The following LYPLAL1 variants were observed in gnomAD, a reference collection of about 807,000 sequenced individuals.
LYPLAL1 encodes the protein lysophospholipase-like protein 1.
A neutral mutation model predicts 19.7 loss-of-function variants in LYPLAL1; 23 were observed. That is an observed-to-expected ratio of 1.17 (90% CI 0.84 to 1.65). The LOEUF (loss-of-function observed/expected upper bound fraction) is 1.65, where lower values mean the gene tolerates loss of function less well. Among genes scored for constraint, LYPLAL1 ranks in the 40% most tolerant of loss-of-function variants. The pLI is 0.00. For synonymous variants in LYPLAL1, 119 were observed against 96.3 expected (o/e 1.24, Z -1.38); for missense variants, 355 against 279.4 (o/e 1.27, Z -1.93).
At chr1:219,361,566 T>G in the LYPLAL1 span, among the ~76,000 whole-genome samples, 13 of 152,180 alleles carry the variant, frequency 8.5e-5, no homozygotes, top group East Asian at 2.5e-3. Context: ...AAATCCAGGC[T>G]TTGGGCTCCT....
chr1:219,390,846 A>T, the LYPLAL1 span, among the ~76,000 whole-genome samples: 1 of 151,968 alleles, frequency 6.6e-6, no homozygotes, highest in African/African-American at 2.4e-5. Flanking sequence ...GCATTTTGAG[A>T]AGTTTAAGAT....
the LYPLAL1 span, among the ~76,000 whole-genome samples, chr1:219,315,051 T>C: frequency 6.6e-6 from 1 of 152,152 alleles, no homozygotes; most frequent in Non-Finnish European, 1.5e-5. Context: ...GAGGAGGGGT[T>C]GATTCTGTAA....
intron 2 of LYPLAL1, among the ~76,000 whole-genome samples, chr1:219,185,202 A>G (rs1291750751): frequency 6.6e-6 from 1 of 151,722 alleles, no homozygotes; most frequent in Non-Finnish European, 1.5e-5. Context: ...GATGTTCATG[A>G]TATTTCCTTT....
chr1:219,256,648 G>A, the LYPLAL1 span, among the ~76,000 whole-genome samples: 1 of 151,780 alleles, frequency 6.6e-6, no homozygotes, highest in Admixed American at 6.6e-5. Context: ...TGTTGAATTT[G>A]CTGATTTGTT....
chr1:219,420,757 T>C, the LYPLAL1 span, among the ~76,000 whole-genome samples: 4 of 152,164 alleles, frequency 2.6e-5, no homozygotes, highest in Admixed American at 1.3e-4. Context: ...GCATAATAAT[T>C]AGAACCACTT....
the LYPLAL1 span, among the ~76,000 whole-genome samples, chr1:219,220,983 A>C: frequency 0.18 from 26,705 of 152,128 alleles, 2,605 homozygotes; most frequent in Non-Finnish European, 0.21. Flanking sequence ...AGATGTGATT[A>C]ATGTGTCAGA....
At chr1:219,426,491 A>C in the LYPLAL1 span, among the ~76,000 whole-genome samples, 1 of 152,210 alleles carries the variant, frequency 6.6e-6, no homozygotes, top group Non-Finnish European at 1.5e-5. Context: ...CAGCAGGATT[A>C]TTGATATTAG....
At chr1:219,292,487 ACT>A in the LYPLAL1 span, among the ~76,000 whole-genome samples, 1 of 152,160 alleles carries the variant, frequency 6.6e-6, no homozygotes, top group African/African-American at 2.4e-5. Context: ...CCTTTTTGGC[ACT>A]GATGCCACCT....
At position 219,204,779 on chromosome 1, in the gene LYPLAL1, C is replaced by T. The variant is rs575319914; in HGVS notation, c.362-5753C>T. Among the ~76,000 whole-genome samples, 6 of 152,060 alleles carry T rather than the reference C, an allele frequency of 3.9e-5. No individual in the cohort carries two copies. The East Asian group carries it at 1.2e-3, about 29-fold the overall frequency. ...CTAATACAGAGTTGGGACTAGAACC[C>T]GGGTCCCCATAATACCTTCCTTTAT... On this transcript the variant is annotated intron_variant, in intron 3 of 4. Transcript: ENST00000366928.
the LYPLAL1 span, among the ~76,000 whole-genome samples, chr1:219,382,386 G>A: frequency 6.6e-6 from 1 of 151,974 alleles, no homozygotes; most frequent in South Asian, 2.1e-4. Flanking sequence ...TTGAGATAGG[G>A]TCTTGCTCTG....
chr1:219,229,803 G>C, the LYPLAL1 span, among the ~76,000 whole-genome samples: 3 of 152,134 alleles, frequency 2.0e-5, no homozygotes, highest in East Asian at 5.8e-4. Flanking sequence ...CCTGCGAGGG[G>C]GACAAGGGAA....
At chr1:219,264,866 T>C in the LYPLAL1 span, among the ~76,000 whole-genome samples, 1 of 152,214 alleles carries the variant, frequency 6.6e-6, no homozygotes, top group Non-Finnish European at 1.5e-5. Flanking sequence ...GTCCCTGATG[T>C]AAAACTGGTC....
chr1:219,317,757 T>C, the LYPLAL1 span, among the ~76,000 whole-genome samples: 52,809 of 152,028 alleles, frequency 0.35, 10,048 homozygotes, highest in East Asian at 0.81. Flanking sequence ...AGTATACTCC[T>C]GCAGCAGTTG....
At chr1:219,230,332 C>T in the LYPLAL1 span, among the ~76,000 whole-genome samples, 1 of 152,144 alleles carries the variant, frequency 6.6e-6, no homozygotes, top group Non-Finnish European at 1.5e-5. Flanking sequence ...AGGCTGATCT[C>T]GAACTCCTGA....
chr1:219,437,889 C>A, the LYPLAL1 span, among the ~76,000 whole-genome samples: 1 of 151,996 alleles, frequency 6.6e-6, no homozygotes, highest in Non-Finnish European at 1.5e-5. Flanking sequence ...GCCTCAGTCT[C>A]CCGTGTAGCT....
chr1:219,385,041 A>AG, the LYPLAL1 span, among the ~76,000 whole-genome samples: 31 of 152,188 alleles, frequency 2.0e-4, no homozygotes, highest in South Asian at 6.2e-3. Context: ...TTCTCCCAGT[A>AG]ATGTTCTGCA....
the LYPLAL1 span, among the ~76,000 whole-genome samples, chr1:219,312,429 C>A: frequency 6.6e-6 from 1 of 152,088 alleles, no homozygotes; most frequent in Non-Finnish European, 1.5e-5. Context: ...CATATCACAT[C>A]ATTTTTGGAG....
intron 2 of LYPLAL1, 45 bp from the exon 3 acceptor site, chr1:219,193,037 C>T: frequency 6.7e-7 from 1 of 1,498,082 alleles, no homozygotes; most frequent in South Asian, 1.3e-5. Flanking sequence ...TTTTCATATT[C>T]CCTTTTCCTT....
At chr1:219,364,600 G>T in the LYPLAL1 span, among the ~76,000 whole-genome samples, 1 of 152,016 alleles carries the variant, frequency 6.6e-6, no homozygotes, top group Non-Finnish European at 1.5e-5. Flanking sequence ...TCCATTAATA[G>T]AATGCAAACT....
Sources: allele counts gnomAD v4.1 joint callset (sites outside exome capture counted in the v4.1 genomes callset), GRCh38; gene constraint gnomAD v4.1.1; transcripts MANE v1.5; gene names NCBI Gene and HGNC (gene_info 2026-07-23, HGNC 2026-07-21).